Variants in PRPF8 observed in about 807,000 individuals in gnomAD.
The protein encoded by PRPF8 is pre-mRNA-processing-splicing factor 8.
Under a neutral mutation model 285.9 loss-of-function variants are expected in PRPF8, and 64 were observed. The ratio of observed to expected loss-of-function variants is 0.22; its 90% CI spans 0.18 to 0.28. The LOEUF is 0.28. Among genes scored for constraint, PRPF8 ranks in the 10% least tolerant of loss-of-function variants. The probability of loss-of-function intolerance (pLI) is 1.00; values close to 1 mark genes in which losing one functional copy is unlikely to be tolerated. For synonymous variants in PRPF8, 1,325 were observed against 1,118.2 expected, an observed-to-expected ratio of 1.18 and a Z score of -3.69; for missense variants, 1,426 against 3,026.7, an observed-to-expected ratio of 0.47 and a Z score of 12.41.
At chr17:1,669,200 G>A (rs772733300) in intron 24 of PRPF8, among the ~76,000 whole-genome samples, 4 of 152,130 alleles carry the variant, frequency 2.6e-5, no homozygotes, top group Non-Finnish European at 4.4e-5. Flanking sequence ...TCTACCTCCC[G>A]GGTTCAAGCA....
intron 24 of PRPF8, among the ~76,000 whole-genome samples, chr17:1,662,739 A>G (rs1263632626): frequency 2.0e-5 from 3 of 151,732 alleles, no homozygotes; most frequent in Non-Finnish European, 4.4e-5. Context: ...TCTACTAAAA[A>G]TACAGAAATT....
chr17:1,677,351 G>A (rs751634964), intron 14 of PRPF8, 179 bp from the exon 15 acceptor site: 3 of 962,184 alleles, frequency 3.1e-6, no homozygotes, highest in Non-Finnish European at 3.2e-6. Context: ...CTATGCTTCT[G>A]AGGAATTTCC....
chr17:1,676,820 C>T lies in PRPF8; in HGVS notation c.2182-109G>A, dbSNP rs1224134025. On this transcript the variant is annotated intron_variant, in intron 15 of 42. Coordinates refer to ENST00000304992, the MANE Select transcript of PRPF8 (RefSeq NM_006445.4). The surrounding 1 kb of genome is among the most constrained non-coding windows in gnomAD (Gnocchi z 6.3). ...AAGGAGGATCGCTTGAGCTCAGGAGCTTGAGGCCAGCCTAAGCAACATGGT... is the reference window on the plus strand; with the variant it reads ...AAGGAGGATCGCTTGAGCTCAGGAGTTTGAGGCCAGCCTAAGCAACATGGT... 6.7e-7 allele frequency: 1 copy of T among 1,488,024 alleles called. No homozygotes were observed. The allele number at this position is 1,488,024 out of a possible 1,614,324, so 92.2% of individuals were successfully genotyped here. A position where few individuals can be genotyped will look rare whatever the true frequency, so the allele number is the denominator to read the frequency against.
At chr17:1,667,821 C>T (rs1233892585) in intron 24 of PRPF8, among the ~76,000 whole-genome samples, 10 of 152,062 alleles carry the variant, frequency 6.6e-5, no homozygotes, top group South Asian at 2.1e-4. Flanking sequence ...GGATTACAGG[C>T]GTGAGCCACC....
At chr17:1,677,397 A>G in intron 14 of PRPF8, 168 bp downstream of exon 14, 7 of 1,116,468 alleles carry the variant, frequency 6.3e-6, no homozygotes, top group Non-Finnish European at 9.3e-6. Flanking sequence ...TCAAGGCCCC[A>G]GAAGGAAGCC....
chr17:1,664,769 C>A (rs1264934486), intron 24 of PRPF8, among the ~76,000 whole-genome samples: 1 of 152,046 alleles, frequency 6.6e-6, no homozygotes, highest in Non-Finnish European at 1.5e-5. Context: ...ATGTAAACAG[C>A]ATAATTTGAA....
chr17:1,684,434 G>C (rs778497555), intron 2 of PRPF8, 38 bp downstream of exon 2: 1 of 1,608,708 alleles, frequency 6.2e-7, no homozygotes, highest in Non-Finnish European at 8.5e-7. Flanking sequence ...CACCCGCCCC[G>C]CCTCCGGCCC....
intron 3 of PRPF8, chr17:1,683,324 C>G: frequency 4.6e-6 from 3 of 653,630 alleles, no homozygotes. Context: ...ATCAACAGGA[C>G]AAATTAAAGC....
In PRPF8 at chr17:1,650,796, A is replaced by T. The variant is rs1354935466; in HGVS notation, c.*6T>A. ...CGGGAGGCTGAAGCAGGAGGCAGGG[A>T]AACGGTCAGGCATACAGGTCCTCCC... On this transcript the variant is annotated 3_prime_UTR_variant, in exon 43 of 43. Coordinates refer to ENST00000304992, the MANE Select transcript of PRPF8 (RefSeq NM_006445.4). 6.2e-7 allele frequency: 1 copy of T among 1,613,646 alleles called. No homozygotes were observed. Among genetic ancestry groups the T allele is most frequent in the Non-Finnish European group, 8.5e-7 (1 of 1,179,938 alleles).
rs1432077087 is a variant in PRPF8, at chr17:1,651,657, C to T, written c.6501G>A (p.Glu2167=). 1 of 1,614,062 alleles carries T rather than the reference C, an allele frequency of 6.2e-7. No homozygotes were observed. The highest frequency in any genetic ancestry group is 8.5e-7 in the Non-Finnish European group (1 of 1,180,040). The change falls in exon 40 of 43, where the codon GAG becomes GAA. Residue 2167 remains glutamate (E), a synonymous_variant. Coordinates refer to ENST00000304992, the MANE Select transcript of PRPF8 (RefSeq NM_006445.4). The surrounding 1 kb of genome is among the most constrained non-coding windows in gnomAD (Gnocchi z 5.1). ...CATCACTCCCCATTACCTTGAGGTA[C>T]TCATGCTGGGGCAGCTGGCCAGGCA... ...VHLPGQLPQH[E]YLKEMEPLGW...
chr17:1,664,972 A>G (rs887002407), intron 24 of PRPF8, among the ~76,000 whole-genome samples: 22 of 151,874 alleles, frequency 1.4e-4, no homozygotes, highest in African/African-American at 5.1e-4. Context: ...CCTGGCCAAC[A>G]TGGTAAAAAC....
rs1912884428 is a variant in PRPF8, at chr17:1,680,936, G to A, written c.985C>T (p.Leu329Phe). 1 of 1,614,140 alleles carries A rather than the reference G, an allele frequency of 6.2e-7. No homozygotes were observed. Residue 329 changes from leucine to phenylalanine, a missense_variant, in exon 7 of 43, where the codon CTC becomes TTC. Transcript: ENST00000304992. ...LYNNLPHHVH[L>F]TWYHTPNVVF... The stretch of plus-strand genomic sequence containing the variant: ...GTGTTCCAGGTCTCTTACCAGGTGA[G>A]GTGGACATGGTGTGGAAGATTGTTG...
intron 37 of PRPF8, 86 bp from the exon 38 acceptor site, chr17:1,654,102 C>A: frequency 4.4e-6 from 7 of 1,599,780 alleles, no homozygotes; most frequent in Non-Finnish European, 6.0e-6. Context: ...CTTGGTAGGA[C>A]AGGACAGCCT....
chr17:1,660,086 G>T, intron 30 of PRPF8, 85 bp from the exon 31 acceptor site: 1 of 1,448,066 alleles, frequency 6.9e-7, no homozygotes, highest in Non-Finnish European at 9.7e-7. Flanking sequence ...TGAGGCAATA[G>T]GAGTCTCATC....
intron 24 of PRPF8, among the ~76,000 whole-genome samples, chr17:1,666,585 C>T (rs886665779): frequency 4.0e-5 from 6 of 150,916 alleles, no homozygotes; most frequent in Non-Finnish European, 7.4e-5. Flanking sequence ...AAGAGAAAAA[C>T]GATAAAAATT....
At chr17:1,671,902 T>C (rs62089969) in intron 24 of PRPF8, among the ~76,000 whole-genome samples, 42,791 of 148,984 alleles carry the variant, frequency 0.29, 7,850 homozygotes, top group African/African-American at 0.52. Context: ...CATGGTGGCG[T>C]ATGCACCTGT....
At position 1,683,285 on chromosome 17, in the gene PRPF8, G is replaced by A. The variant is rs547742534; in HGVS notation, c.269+248C>T. On this transcript the variant is annotated intron_variant, in intron 3 of 42. Coordinates refer to ENST00000304992, the MANE Select transcript of PRPF8 (RefSeq NM_006445.4). ...GCTGGGATTACAGGCATGAGCCACC[G>A]CGCCTGGCCAGGGACATCTTATAAT... The A allele has an allele frequency of 3.4e-4, 184 of 546,454 alleles. No homozygotes were observed. In the East Asian group the frequency reaches 5.1e-3, roughly 15 times the overall value. 33.9% of individuals were successfully genotyped at this position (546,454 alleles called of 1,614,324 possible).
At chr17:1,670,149 G>C (rs1912224200) in intron 24 of PRPF8, among the ~76,000 whole-genome samples, 1 of 152,180 alleles carries the variant, frequency 6.6e-6, no homozygotes, top group East Asian at 1.9e-4. Flanking sequence ...CTACACATGT[G>C]TATATATGTA....
chr17:1,657,302 A>C (rs1911436413), intron 34 of PRPF8, among the ~76,000 whole-genome samples: 1 of 152,180 alleles, frequency 6.6e-6, no homozygotes, highest in African/African-American at 2.4e-5. Flanking sequence ...TTAATTCAGC[A>C]AGAGTTGTGA....
Sources: allele counts gnomAD v4.1 joint callset (sites outside exome capture counted in the v4.1 genomes callset), GRCh38; gene constraint gnomAD v4.1.1; non-coding constraint Gnocchi (gnomAD v3.1); transcripts MANE v1.5; gene names NCBI Gene and HGNC (gene_info 2026-07-23, HGNC 2026-07-21).